The following METTL8 variants were observed in gnomAD, a reference collection of about 807,000 sequenced individuals.
METTL8 encodes tRNA N(3)-cytidine methyltransferase METTL8, mitochondrial.
A neutral mutation model predicts 48.7 loss-of-function variants in METTL8; 32 were observed. The observed-to-expected ratio is 0.66, with a 90% CI of 0.50 to 0.88. The LOEUF is 0.88. METTL8 is among the 40% of genes least tolerant of loss of function. The pLI is 0.00. For missense variants in METTL8, 464 were observed against 474.4 expected, an observed-to-expected ratio of 0.98 and a Z score of 0.20; for synonymous variants, 136 against 157.1, an observed-to-expected ratio of 0.87 and a Z score of 1.01.
chr2:171,386,520 T>C (rs924906707), intron 2 of METTL8, among the ~76,000 whole-genome samples: 6 of 152,186 alleles, frequency 3.9e-5, no homozygotes, highest in African/African-American at 1.2e-4. Flanking sequence ...TCCCAGTACT[T>C]TGGGAGTCCG....
At chr2:171,411,140 G>A (rs1365392738) in intron 1 of METTL8, among the ~76,000 whole-genome samples, 1 of 152,162 alleles carries the variant, frequency 6.6e-6, no homozygotes, top group Non-Finnish European at 1.5e-5. Context: ...AGAGGGACAT[G>A]GAAGACAATT....
chr2:171,331,745 T>A, intron 6 of METTL8, 59 bp downstream of exon 6: 1 of 1,343,396 alleles, frequency 7.4e-7, no homozygotes, highest in Non-Finnish European at 1.1e-6. Flanking sequence ...AAAACAACTT[T>A]TATTGTTCTG....
intron 1 of METTL8, among the ~76,000 whole-genome samples, chr2:171,396,211 G>A (rs1010973214): frequency 2.0e-5 from 3 of 151,878 alleles, no homozygotes; most frequent in African/African-American, 4.8e-5. Context: ...GCAGTGAGCC[G>A]AGATTGTGCC....
chr2:171,380,533 T>A (rs2105527632), intron 2 of METTL8, among the ~76,000 whole-genome samples: 1 of 152,286 alleles, frequency 6.6e-6, no homozygotes, highest in Admixed American at 6.5e-5. Context: ...CTTTAGCTGA[T>A]AAACAACTTC....
chr2:171,373,301 C>G (rs1438663315), intron 2 of METTL8, among the ~76,000 whole-genome samples: 1 of 152,164 alleles, frequency 6.6e-6, no homozygotes, highest in Non-Finnish European at 1.5e-5. Context: ...AGAGTCTGTT[C>G]ATATCCTTTG....
chr2:171,432,319 T>G (rs1336766298), intron 1 of METTL8, among the ~76,000 whole-genome samples: 1 of 151,694 alleles, frequency 6.6e-6, no homozygotes, highest in Non-Finnish European at 1.5e-5. Flanking sequence ...ATTACTTAGG[T>G]GAAATGAAGA....
At chr2:171,377,890 G>A (rs1459689727) in intron 2 of METTL8, among the ~76,000 whole-genome samples, 2 of 151,914 alleles carry the variant, frequency 1.3e-5, no homozygotes, top group African/African-American at 2.4e-5. Flanking sequence ...ATCTCCCAAA[G>A]GAAAAGAAGT....
At chr2:171,334,195 G>C (rs1290847212) in intron 5 of METTL8, among the ~76,000 whole-genome samples, 2 of 152,102 alleles carry the variant, frequency 1.3e-5, no homozygotes, top group East Asian at 3.8e-4. Flanking sequence ...GTCTACCTTT[G>C]GGCAGTAGTT....
intron 2 of METTL8, among the ~76,000 whole-genome samples, chr2:171,391,198 T>A (rs1574101997): frequency 6.6e-6 from 1 of 152,232 alleles, no homozygotes; most frequent in East Asian, 1.9e-4. Context: ...ACTGTTAGCA[T>A]TTTTTAGCAA....
At chr2:171,352,787 T>C (rs911532419) in intron 3 of METTL8, among the ~76,000 whole-genome samples, 3 of 152,228 alleles carry the variant, frequency 2.0e-5, no homozygotes, top group Admixed American at 1.3e-4. Flanking sequence ...TGATGGTAGT[T>C]TGTATTTCTG....
At chr2:171,394,612 A>AC (rs1446459995) in intron 1 of METTL8, among the ~76,000 whole-genome samples, 1 of 152,240 alleles carries the variant, frequency 6.6e-6, no homozygotes, top group Non-Finnish European at 1.5e-5. Context: ...TTAATTAACC[A>AC]CACAAACATC....
chr2:171,374,538 T>C (rs139525072), intron 2 of METTL8, among the ~76,000 whole-genome samples: 1 of 152,296 alleles, frequency 6.6e-6, no homozygotes, highest in Non-Finnish European at 1.5e-5. Flanking sequence ...AGTGTACAAC[T>C]TGGTAAGTTT....
At chr2:171,343,364 G>A (rs912749009) in intron 3 of METTL8, among the ~76,000 whole-genome samples, 3 of 152,096 alleles carry the variant, frequency 2.0e-5, no homozygotes, top group Middle Eastern at 3.4e-3. Context: ...GCTTGAACCC[G>A]GGAGGCGGAG....
intron 1 of METTL8, among the ~76,000 whole-genome samples, chr2:171,403,282 T>C (rs768206393): frequency 3.3e-5 from 5 of 152,174 alleles, no homozygotes; most frequent in Non-Finnish European, 5.9e-5. Context: ...GCATGTATTC[T>C]TGATATGATG....
intron 2 of METTL8, chr2:171,375,248 C>G (rs1686837917): frequency 8.6e-7 from 1 of 1,156,520 alleles, no homozygotes; most frequent in Non-Finnish European, 1.3e-6. Flanking sequence ...CCCTTTTTGG[C>G]ATGACCGTTG....
At chr2:171,343,462 T>TAAATAAAA (rs549903639) in intron 3 of METTL8, among the ~76,000 whole-genome samples, 3 of 150,608 alleles carry the variant, frequency 2.0e-5, no homozygotes, top group Admixed American at 2.0e-4. Flanking sequence ...AATAAATAAA[T>TAAATAAAA]ATAAAAAATA....
intron 1 of METTL8, among the ~76,000 whole-genome samples, chr2:171,425,632 G>A (rs1040098557): frequency 6.6e-6 from 1 of 152,202 alleles, no homozygotes; most frequent in Non-Finnish European, 1.5e-5. Context: ...AGTCGCAGAT[G>A]AGACCACAGC....
chr2:171,372,414 G>A (rs1686454134), intron 2 of METTL8, among the ~76,000 whole-genome samples: 1 of 151,794 alleles, frequency 6.6e-6, no homozygotes, highest in Non-Finnish European at 1.5e-5. Context: ...GACCTTTTCA[G>A]ACTTTTCTCT....
At chr2:171,413,547 T>C (rs1690966731) in intron 1 of METTL8, among the ~76,000 whole-genome samples, 1 of 152,218 alleles carries the variant, frequency 6.6e-6, no homozygotes, top group Non-Finnish European at 1.5e-5. Flanking sequence ...CACTTAATAA[T>C]GCAGTTTTTA....
Sources: allele counts gnomAD v4.1 joint callset (sites outside exome capture counted in the v4.1 genomes callset), GRCh38; gene constraint gnomAD v4.1.1; transcripts MANE v1.5; gene names NCBI Gene and HGNC (gene_info 2026-07-23, HGNC 2026-07-21).